The following TAF3 variants were observed in gnomAD, a reference collection of about 807,000 sequenced individuals.
TAF3 encodes the protein TATA-box binding protein associated factor 3.
TAF3 carries 7 observed loss-of-function variants against 80.6 expected under a neutral mutation model. That is an observed-to-expected ratio of 0.09 (90% CI 0.05 to 0.16). The LOEUF is 0.16. Ranked by LOEUF, TAF3 falls within the 10% of genes least tolerant of loss-of-function variation. TAF3 has a pLI of 1.00. For synonymous variants in TAF3, 444 were observed against 446.1 expected (o/e 1.00, Z 0.06); for missense variants, 921 against 1,140.2 (o/e 0.81, Z 2.77).
At chr10:7,955,501 G>A (rs1838126308) in intron 2 of TAF3, among the ~76,000 whole-genome samples, 1 of 152,182 alleles carries the variant, frequency 6.6e-6, no homozygotes, top group Non-Finnish European at 1.5e-5. Flanking sequence ...CATATTTTCT[G>A]CTTAGTTGGA....
chr10:7,971,920 T>A (rs1355554906), intron 3 of TAF3, among the ~76,000 whole-genome samples: 1 of 152,198 alleles, frequency 6.6e-6, no homozygotes, highest in Non-Finnish European at 1.5e-5. Flanking sequence ...TACATAAAAC[T>A]GGACAAATCC....
chr10:7,853,330 G>A (rs951870996), intron 2 of TAF3, among the ~76,000 whole-genome samples: 1 of 152,144 alleles, frequency 6.6e-6, no homozygotes, highest in African/African-American at 2.4e-5. Flanking sequence ...ACATGTGGGG[G>A]CATTACATTG....
chr10:7,926,748 G>C (rs1459196129), intron 2 of TAF3, among the ~76,000 whole-genome samples: 1 of 151,922 alleles, frequency 6.6e-6, no homozygotes, highest in African/African-American at 2.4e-5. Flanking sequence ...CTGAATTTGA[G>C]CCCATTATAT....
intron 2 of TAF3, among the ~76,000 whole-genome samples, chr10:7,843,832 A>G (rs562214490): frequency 3.3e-5 from 5 of 152,204 alleles, no homozygotes; most frequent in African/African-American, 9.6e-5. Context: ...TATAATGGTT[A>G]AATACACTCT....
chr10:7,825,327 T>C (rs928693316), intron 2 of TAF3, among the ~76,000 whole-genome samples: 1 of 152,252 alleles, frequency 6.6e-6, no homozygotes, highest in Non-Finnish European at 1.5e-5. Flanking sequence ...CTTTTACTTA[T>C]GATTTTCTAT....
intron 2 of TAF3, among the ~76,000 whole-genome samples, chr10:7,943,882 T>C (rs1010233160): frequency 6.6e-5 from 10 of 152,186 alleles, no homozygotes; most frequent in African/African-American, 2.2e-4. Context: ...TTTGCTTTAT[T>C]TGGAGGATGA....
chr10:7,909,022 C>G (rs1242078717), intron 2 of TAF3, among the ~76,000 whole-genome samples: 3 of 152,224 alleles, frequency 2.0e-5, no homozygotes, highest in Non-Finnish European at 4.4e-5. Context: ...GGTGGCTTAG[C>G]AGGTACAAAG....
intron 2 of TAF3, among the ~76,000 whole-genome samples, chr10:7,922,931 A>G (rs768336071): frequency 3.9e-5 from 6 of 152,076 alleles, no homozygotes; most frequent in Non-Finnish European, 4.4e-5. Flanking sequence ...GAAAACTTGT[A>G]TCTTCCAGAT....
At chr10:7,998,119 T>C (rs1831906336) in intron 4 of TAF3, among the ~76,000 whole-genome samples, 1 of 151,636 alleles carries the variant, frequency 6.6e-6, no homozygotes, top group African/African-American at 2.4e-5. Flanking sequence ...TGGGTTACTT[T>C]AGTGCCTCTA....
At chr10:7,924,385 G>T (rs1444968274) in intron 2 of TAF3, among the ~76,000 whole-genome samples, 1 of 152,176 alleles carries the variant, frequency 6.6e-6, no homozygotes, top group Non-Finnish European at 1.5e-5. Flanking sequence ...CTGTAATGTA[G>T]CTGTTTTGAC....
chr10:7,884,030 A>G (rs1018490541), intron 2 of TAF3, among the ~76,000 whole-genome samples: 1 of 151,970 alleles, frequency 6.6e-6, no homozygotes, highest in African/African-American at 2.4e-5. Flanking sequence ...TCCCATGATA[A>G]CCCATCCATC....
intron 4 of TAF3, among the ~76,000 whole-genome samples, chr10:7,997,286 A>T (rs1343368214): frequency 5.3e-5 from 8 of 152,256 alleles, no homozygotes; most frequent in African/African-American, 1.7e-4. Flanking sequence ...AAGGGAACTT[A>T]GGAACTTTGT....
chr10:7,895,188 T>G (rs995412755), intron 2 of TAF3, among the ~76,000 whole-genome samples: 1 of 152,174 alleles, frequency 6.6e-6, no homozygotes, highest in Non-Finnish European at 1.5e-5. Context: ...GGCAATTTCC[T>G]TGGTAACTTG....
intron 3 of TAF3, 51 bp from the exon 4 acceptor site, chr10:7,977,190 G>A (rs766145354): frequency 1.9e-6 from 3 of 1,550,144 alleles, no homozygotes; most frequent in South Asian, 1.1e-5. Context: ...AGTGGTAGGA[G>A]GTACTTTTGT....
At chr10:7,910,393 A>C (rs1484299010) in intron 2 of TAF3, among the ~76,000 whole-genome samples, 2 of 152,082 alleles carry the variant, frequency 1.3e-5, no homozygotes, top group African/African-American at 4.8e-5. Context: ...TTTATTTATT[A>C]TTTTTGAGAC....
At chr10:7,900,183 CA>C (rs1436263241) in intron 2 of TAF3, among the ~76,000 whole-genome samples, 1 of 152,206 alleles carries the variant, frequency 6.6e-6, no homozygotes. Context: ...AGGCTTTGAA[CA>C]TCATAGTTTA....
chr10:7,847,997 T>A (rs1453162388), intron 2 of TAF3, among the ~76,000 whole-genome samples: 1 of 152,126 alleles, frequency 6.6e-6, no homozygotes, highest in Non-Finnish European at 1.5e-5. Flanking sequence ...CGCAAACTCC[T>A]GACCTCAGGT....
At chr10:7,918,092 G>A (rs1220721497) in intron 2 of TAF3, among the ~76,000 whole-genome samples, 1 of 152,196 alleles carries the variant, frequency 6.6e-6, no homozygotes, top group Non-Finnish European at 1.5e-5. Flanking sequence ...GTTAGTGTGG[G>A]GATAAGTGGA....
intron 2 of TAF3, among the ~76,000 whole-genome samples, chr10:7,826,501 C>A (rs1836742933): frequency 6.6e-6 from 1 of 151,902 alleles, no homozygotes; most frequent in African/African-American, 2.4e-5. Context: ...TACTATATTA[C>A]TATAGATTTT....
Sources: gnomAD v4.1 joint callset for allele counts (sites outside exome capture counted in the v4.1 genomes callset) on GRCh38, gnomAD v4.1.1 for gene constraint, MANE v1.5 for transcripts, NCBI Gene and HGNC (gene_info 2026-07-23, HGNC 2026-07-21) for gene names.